The following DLG1 variants were observed in gnomAD, a reference collection of about 807,000 sequenced individuals.
DLG1 encodes the protein disks large homolog 1.
DLG1 carries 42 observed loss-of-function variants against 123.4 expected under a neutral mutation model. The observed-to-expected ratio is 0.34, with a 90% CI of 0.27 to 0.44. The LOEUF is 0.44. Ranked by LOEUF, DLG1 falls within the 20% of genes least tolerant of loss-of-function variation. DLG1 has a pLI of 1.00. For synonymous variants in DLG1, 317 were observed against 356.2 expected (o/e 0.89, Z 1.24); for missense variants, 942 against 1,082.6 (o/e 0.87, Z 1.82).
intron 4 of DLG1, among the ~76,000 whole-genome samples, chr3:197,265,688 T>C (rs1008991734): frequency 2.6e-5 from 4 of 152,106 alleles, no homozygotes; most frequent in African/African-American, 9.7e-5. Flanking sequence ...CCAAGAATAA[T>C]GAAAACTCAT....
chr3:197,253,706 G>C (rs931705439), intron 4 of DLG1, among the ~76,000 whole-genome samples: 64 of 152,124 alleles, frequency 4.2e-4, no homozygotes, highest in Non-Finnish European at 8.7e-4. Context: ...GGGGTGAGAG[G>C]AAAGTAGGTG....
In DLG1 at chr3:197,111,835, T is replaced by A. The variant is rs143174806; in HGVS notation, c.1443+4092A>T. Among the ~76,000 whole-genome samples, 921 of 152,358 alleles carry A rather than the reference T, an allele frequency of 6.0e-3. 5 individuals are homozygous for A. The highest frequency in any genetic ancestry group is 0.022 in the South Asian group (104 of 4,830). On this transcript the variant is annotated intron_variant, in intron 13 of 24. Coordinates refer to ENST00000667157, the MANE Select transcript of DLG1 (RefSeq NM_001366207.1). ...ACATACTTGTTTTGTGTTTCAGTAG[T>A]TGTTCCTTTTAATTGCTGAGTAGTA... is the stretch of plus-strand genomic sequence containing the variant.
At chr3:197,125,621 T>C (rs920421157) in intron 11 of DLG1, among the ~76,000 whole-genome samples, 5 of 152,172 alleles carry the variant, frequency 3.3e-5, no homozygotes, top group Admixed American at 3.3e-4. Flanking sequence ...ACTGGTATTT[T>C]AGAGGTGATG....
At chr3:197,059,160 C>G (rs113590536) in intron 23 of DLG1, among the ~76,000 whole-genome samples, 1 of 152,122 alleles carries the variant, frequency 6.6e-6, no homozygotes, top group Non-Finnish European at 1.5e-5. Flanking sequence ...CTCCTGACCT[C>G]GTGATCTGCC....
At position 197,298,588 on chromosome 3, in the gene DLG1, G is replaced by C. The variant is rs374256874; in HGVS notation, c.-84C>G. 6.2e-5 allele frequency: 24 copies of C among 389,486 alleles called. No homozygotes were observed. In the East Asian group the frequency reaches 8.1e-4, roughly 13 times the overall value. The allele number at this position is 389,486 out of a possible 1,614,324, so 24.1% of individuals were successfully genotyped here. A position where few individuals can be genotyped will look rare whatever the true frequency, so the allele number is the denominator to read the frequency against. On this transcript the variant is annotated 5_prime_UTR_variant, in exon 1 of 25. Coordinates refer to ENST00000667157, the MANE Select transcript of DLG1 (RefSeq NM_001366207.1). ...GTGCCGTTTCCAACTCCGCGGCAGA[G>C]ACAGCGCCTGGCGACCCCGGGGGTA... is the stretch of plus-strand genomic sequence containing the variant.
intron 12 of DLG1, among the ~76,000 whole-genome samples, chr3:197,117,869 C>T (rs998138288): frequency 1.3e-5 from 2 of 152,074 alleles, no homozygotes; most frequent in African/African-American, 4.8e-5. Flanking sequence ...TAATATACCA[C>T]AAATTGTATA....
intron 13 of DLG1, among the ~76,000 whole-genome samples, chr3:197,111,140 G>A (rs1769773657): frequency 1.3e-5 from 2 of 152,316 alleles, no homozygotes; most frequent in South Asian, 2.1e-4. Context: ...GGTTACTGAT[G>A]CATATTGCTA....
intron 4 of DLG1, among the ~76,000 whole-genome samples, chr3:197,254,381 C>T (rs959905234): frequency 6.6e-6 from 1 of 152,208 alleles, no homozygotes; most frequent in Non-Finnish European, 1.5e-5. Context: ...GTGAAAGTAA[C>T]TAAAGCAGCA....
chr3:197,255,092 G>A (rs1185196840), intron 4 of DLG1, among the ~76,000 whole-genome samples: 1 of 151,866 alleles, frequency 6.6e-6, no homozygotes, highest in Non-Finnish European at 1.5e-5. Flanking sequence ...AAGCAATGAG[G>A]TAATTTTAAA....
At chr3:197,138,699 G>A (rs776321693) in intron 8 of DLG1, among the ~76,000 whole-genome samples, 11 of 152,140 alleles carry the variant, frequency 7.2e-5, no homozygotes, top group Non-Finnish European at 1.0e-4. Context: ...TAGGCATTAA[G>A]ACACACTTTA....
At chr3:197,194,361 T>G in intron 5 of DLG1, 64 bp downstream of exon 5, 369 of 1,086,438 alleles carry the variant, frequency 3.4e-4, no homozygotes, top group Non-Finnish European at 4.0e-4. Flanking sequence ...TCTCCGAGCA[T>G]GAGCTATATG....
chr3:197,166,321 A>G (rs1801382093), intron 5 of DLG1, among the ~76,000 whole-genome samples: 1 of 152,242 alleles, frequency 6.6e-6, no homozygotes. Flanking sequence ...GGATACTGAC[A>G]GCAGGTTTCC....
intron 4 of DLG1, among the ~76,000 whole-genome samples, chr3:197,237,945 C>G (rs1340789288): frequency 1.3e-5 from 2 of 152,184 alleles, no homozygotes; most frequent in Non-Finnish European, 2.9e-5. Flanking sequence ...CAAAAGCAGA[C>G]ACGTGGGAAG....
chr3:197,119,660 C>T (rs937712573), intron 11 of DLG1, 130 bp from the exon 12 acceptor site: 1 of 947,404 alleles, frequency 1.1e-6, no homozygotes, highest in Non-Finnish European at 1.4e-6. Flanking sequence ...AAGATTTACT[C>T]ATCAGCCAAA....
intron 4 of DLG1, among the ~76,000 whole-genome samples, chr3:197,203,837 G>A (rs902731477): frequency 2.0e-5 from 3 of 152,236 alleles, no homozygotes; most frequent in African/African-American, 7.2e-5. Context: ...GCCACAGCAA[G>A]CAGTAAAAGT....
intron 4 of DLG1, among the ~76,000 whole-genome samples, chr3:197,222,695 C>T (rs1391898078): frequency 1.3e-5 from 2 of 152,134 alleles, no homozygotes; most frequent in African/African-American, 2.4e-5. Flanking sequence ...AATAGAATCG[C>T]CAAGGCTTTA....
In DLG1 at chr3:197,115,970, G is replaced by A. The variant is rs774514649; in HGVS notation, c.1400C>T (p.Ala467Val). The A allele has an allele frequency of 1.9e-6, 3 of 1,613,204 alleles. No individual in the cohort carries two copies. Among genetic ancestry groups the A allele is most frequent in the Non-Finnish European group, 2.5e-6 (3 of 1,179,688 alleles). ...FISFILAGGP[A>V]DLSGELRKGD... ...TTTTCTGAGCTCTCCACTTAGATCAGCAGGTCCTCCGGCTAAGATAAAGGA... is the reference window on the plus strand; with the variant it reads ...TTTTCTGAGCTCTCCACTTAGATCAACAGGTCCTCCGGCTAAGATAAAGGA... Residue 467 changes from alanine (A) to valine (V), a missense_variant, in exon 13 of 25, where the codon GCT becomes GTT. Physicochemically the swap from Ala to Val is moderately conservative, Grantham distance 64. Transcript: ENST00000667157.
chr3:197,287,964 A>G (rs894284565), intron 3 of DLG1, among the ~76,000 whole-genome samples: 2 of 152,244 alleles, frequency 1.3e-5, no homozygotes, highest in African/African-American at 4.8e-5. Flanking sequence ...GTTTGTCCTA[A>G]GAATATAGTA....
intron 14 of DLG1, among the ~76,000 whole-genome samples, chr3:197,103,527 T>A (rs1764677676): frequency 6.6e-6 from 1 of 152,102 alleles, no homozygotes; most frequent in Admixed American, 6.6e-5. Context: ...CTCACAAAAA[T>A]TAACGAATTG....
Sources: allele counts gnomAD v4.1 joint callset (sites outside exome capture counted in the v4.1 genomes callset), GRCh38; gene constraint gnomAD v4.1.1; transcripts MANE v1.5; gene names NCBI Gene and HGNC (gene_info 2026-07-23, HGNC 2026-07-21).